The following RB1CC1 variants were observed in gnomAD, a reference collection of about 807,000 sequenced individuals.
The protein encoded by RB1CC1 is RB1 inducible coiled-coil 1, also known as RB1-inducible coiled-coil protein 1.
A neutral mutation model predicts 177.5 loss-of-function variants in RB1CC1; 46 were observed. That is an observed-to-expected ratio of 0.26 (90% CI 0.20 to 0.33). RB1CC1 has a LOEUF of 0.33. Among genes scored for constraint, RB1CC1 ranks in the 10% least tolerant of loss-of-function variants. RB1CC1 has a pLI of 1.00. For synonymous variants in RB1CC1, 666 were observed against 613.6 expected, an observed-to-expected ratio of 1.09 and a Z score of -1.26; for missense variants, 1,703 against 1,816.3, an observed-to-expected ratio of 0.94 and a Z score of 1.13.
At position 52,661,551 on chromosome 8, in the gene RB1CC1, G is replaced by T. The variant is rs1380878588; in HGVS notation, c.1342C>A (p.Leu448Ile). The T allele has an allele frequency of 6.2e-7, 1 of 1,605,244 alleles. No homozygotes were observed. ...ATCACTTACTTCAGTCTGACATGTA[G>T]GTTATTTGCTAGTTCTTGTTTGGCA... Reference protein sequence around the residue: ...TTAKQELANNLHVRLKWCCFV... With the variant: ...TTAKQELANNIHVRLKWCCFV... Residue 448 changes from leucine (L) to isoleucine (I), a missense_variant, in exon 9 of 24, where the codon CTA becomes ATA. Transcript: ENST00000025008.
intron 20 of RB1CC1, among the ~76,000 whole-genome samples, chr8:52,633,901 C>T (rs1193739220): frequency 1.3e-5 from 2 of 152,054 alleles, no homozygotes; most frequent in African/African-American, 4.8e-5. Context: ...CCAGCCTGGA[C>T]AAGATGGTGA....
chr8:52,670,099 T>C (rs1852428963), intron 7 of RB1CC1, among the ~76,000 whole-genome samples: 1 of 152,064 alleles, frequency 6.6e-6, no homozygotes, highest in Non-Finnish European at 1.5e-5. Flanking sequence ...GCCACCACAA[T>C]CAGCTAATTT....
At position 52,683,722 on chromosome 8, in the gene RB1CC1, ATATTTTT is replaced by A; in HGVS notation, c.199-10_199-4del. The A allele has an allele frequency of 6.4e-7, 1 of 1,571,274 alleles. No individual in the cohort carries two copies. ...AAAAGAAAAATTGGATTTGTATCCTATATTTTTTAAAAAAGGAGAAATAACCAAAATA... is the reference window on the plus strand; with the variant it reads ...AAAAGAAAAATTGGATTTGTATCCTATAAAAAAGGAGAAATAACCAAAATA... On this transcript the variant is annotated splice_polypyrimidine_tract_variant and splice_region_variant and intron_variant, in intron 4 of 23. Coordinates refer to ENST00000025008, the MANE Select transcript of RB1CC1 (RefSeq NM_014781.5).
intron 7 of RB1CC1, among the ~76,000 whole-genome samples, chr8:52,673,508 G>A (rs1852791837): frequency 6.6e-6 from 1 of 152,112 alleles, no homozygotes; most frequent in South Asian, 2.1e-4. Flanking sequence ...AGAGTCACAC[G>A]GGGACTTTCT....
At chr8:52,631,260 T>C (rs1471378218) in intron 20 of RB1CC1, among the ~76,000 whole-genome samples, 1 of 151,964 alleles carries the variant, frequency 6.6e-6, no homozygotes, top group East Asian at 1.9e-4. Flanking sequence ...ACCAAAAAGA[T>C]TTAAAATCTC....
chr8:52,695,495 G>C (rs948158084), intron 1 of RB1CC1, among the ~76,000 whole-genome samples: 2 of 152,280 alleles, frequency 1.3e-5, no homozygotes, highest in South Asian at 2.1e-4. Flanking sequence ...CGTGACTCAT[G>C]TATCAGTTAA....
intron 21 of RB1CC1, 124 bp downstream of exon 21, chr8:52,630,346 T>C (rs1204364206): frequency 2.6e-6 from 3 of 1,168,412 alleles, no homozygotes; most frequent in Non-Finnish European, 3.5e-6. Context: ...CTTTTACTAC[T>C]ACTGAGTGCA....
Position 52,656,568 on chromosome 8 carries a change from C to G in RB1CC1, c.3261G>C (p.Glu1087Asp). ...CTTGTTCAAGAAGAGATTTCAAGGT[C>G]TCCTTCTGCTGGGCTCTGCTTTCTT... The part of the protein sequence containing the change: ...LLEESRAQQK[E>D]TLKSLLEQET... The change falls in exon 15 of 24, where the codon GAG becomes GAC. Residue 1087 changes from glutamate to aspartate, a missense_variant. Physicochemically the swap from Glu to Asp is conservative, Grantham distance 45. This residue lies in a region of RB1CC1 where 1,169 missense variants were observed against 1,184.7 expected (regional missense o/e 0.99). Transcript: ENST00000025008. 1 of 1,611,264 alleles carries G rather than the reference C, an allele frequency of 6.2e-7. No individual in the cohort carries two copies. The highest frequency in any genetic ancestry group is 8.5e-7 in the Non-Finnish European group (1 of 1,179,030).
intron 15 of RB1CC1, among the ~76,000 whole-genome samples, chr8:52,654,483 A>G (rs1316091848): frequency 6.6e-6 from 1 of 152,196 alleles, no homozygotes; most frequent in African/African-American, 2.4e-5. Flanking sequence ...CCATTTTGTG[A>G]TGCAGATTGA....
chr8:52,682,810 A>G (rs1853879886), intron 5 of RB1CC1, among the ~76,000 whole-genome samples: 1 of 152,164 alleles, frequency 6.6e-6, no homozygotes, highest in African/African-American at 2.4e-5. Flanking sequence ...ATGTTTATTA[A>G]ATATGTTTCA....
intron 7 of RB1CC1, among the ~76,000 whole-genome samples, chr8:52,668,836 C>A (rs1852306527): frequency 6.6e-6 from 1 of 152,204 alleles, no homozygotes; most frequent in Non-Finnish European, 1.5e-5. Flanking sequence ...TCACTTGAGG[C>A]TCTTCAACAG....
intron 1 of RB1CC1, among the ~76,000 whole-genome samples, chr8:52,707,861 C>T (rs1046438499): frequency 2.0e-5 from 3 of 152,104 alleles, no homozygotes; most frequent in African/African-American, 7.2e-5. Flanking sequence ...AAATGGCAGA[C>T]TTAGGAACAA....
chr8:52,656,061 A>C lies in RB1CC1; in HGVS notation c.3768T>G (p.Val1256=). ...LKEFKLEREV[V]EKELLEKVKH... is the part of the protein sequence containing the mutation. ...TAACTTTTTCTAATAACTCTTTCTC[A>C]ACAACTTCTCTCTCCAATTTAAATT... The change falls in exon 15 of 24, where the codon GTT becomes GTG. Residue 1256 remains valine, a synonymous_variant. Transcript: ENST00000025008. 3 of 1,612,864 alleles carry C rather than the reference A, an allele frequency of 1.9e-6. No individual in the cohort carries two copies. The highest frequency in any genetic ancestry group is 2.5e-6 in the Non-Finnish European group (3 of 1,179,626).
At chr8:52,674,908 T>C (rs932681939) in intron 6 of RB1CC1, among the ~76,000 whole-genome samples, 2 of 152,182 alleles carry the variant, frequency 1.3e-5, no homozygotes, top group Non-Finnish European at 2.9e-5. Context: ...AATATAACCT[T>C]ATGGCCTTAA....
At chr8:52,637,479 A>G (rs1402215179) in intron 18 of RB1CC1, among the ~76,000 whole-genome samples, 3 of 152,154 alleles carry the variant, frequency 2.0e-5, no homozygotes, top group African/African-American at 7.2e-5. Flanking sequence ...CTGGGACCAC[A>G]GCTGTGCACC....
rs202174427 is a variant in RB1CC1 at position 52,656,806 on chromosome 8, G to A, written c.3023C>T (p.Thr1008Ile). Residue 1008 changes from threonine to isoleucine, a missense_variant, in exon 15 of 24, where the codon ACA becomes ATA. Coordinates refer to ENST00000025008, the MANE Select transcript of RB1CC1 (RefSeq NM_014781.5). ...RHIQEFEKVM[T>I]DHRVSLEELK... Reference sequence around the variant, plus strand: ...TTCCTCCAAAGAAACTCTGTGGTCTGTCATAACCTTCTCAAACTCTTGTAT... The same window carrying A: ...TTCCTCCAAAGAAACTCTGTGGTCTATCATAACCTTCTCAAACTCTTGTAT... 12 of 1,613,810 alleles carry A rather than the reference G, an allele frequency of 7.4e-6. No individual in the cohort carries two copies. The highest frequency in any genetic ancestry group is 1.0e-5 in the Non-Finnish European group (12 of 1,179,962).
intron 12 of RB1CC1, 99 bp downstream of exon 12, chr8:52,660,497 C>G (rs1851516468): frequency 8.6e-7 from 1 of 1,157,230 alleles, no homozygotes; most frequent in Non-Finnish European, 1.2e-6. Flanking sequence ...TTTTTTAAAC[C>G]ACAACAATTT....
At chr8:52,649,741 C>A (rs570475712) in intron 15 of RB1CC1, among the ~76,000 whole-genome samples, 1 of 152,322 alleles carries the variant, frequency 6.6e-6, no homozygotes, top group East Asian at 1.9e-4. Flanking sequence ...GGGAGCAAGG[C>A]CATCAATCAT....
Position 52,659,342 on chromosome 8 carries a change from C to T in RB1CC1, c.1690-366G>A, listed in dbSNP as rs1455888893. 2.0e-5 allele frequency among the ~76,000 whole-genome samples: 3 copies of T among 151,938 alleles called. No homozygotes were observed. The East Asian group carries it at 5.8e-4, about 29-fold the overall frequency. On this transcript the variant is annotated intron_variant, in intron 12 of 23. Coordinates refer to ENST00000025008, the MANE Select transcript of RB1CC1 (RefSeq NM_014781.5). ...TATATAATATTTACCATGTTAAAGC[C>T]ACTAATATATTAAAATGCACACATG...
Sources: allele counts gnomAD v4.1 joint callset (sites outside exome capture counted in the v4.1 genomes callset), GRCh38; gene constraint gnomAD v4.1.1; regional missense constraint gnomAD v4.1.1; transcripts MANE v1.5; gene names NCBI Gene and HGNC (gene_info 2026-07-23, HGNC 2026-07-21).